The following SLA variants were observed in gnomAD, a reference collection of about 807,000 sequenced individuals.
The protein encoded by SLA is src-like-adapter.
SLA carries 16 observed loss-of-function variants against 30.3 expected under a neutral mutation model. The observed-to-expected ratio is 0.53, with a 90% CI of 0.36 to 0.80. SLA has a LOEUF of 0.80. SLA is among the 30% of genes least tolerant of loss of function. The probability of loss-of-function intolerance (pLI) is 0.01; values close to 1 mark genes in which losing one functional copy is unlikely to be tolerated. For missense variants in SLA, 310 were observed against 345.2 expected, an observed-to-expected ratio of 0.90 and a Z score of 0.81; for synonymous variants, 143 against 137.8, an observed-to-expected ratio of 1.04 and a Z score of -0.26.
chr8:133,097,205 T>C (rs1239395873), intron 1 of SLA, among the ~76,000 whole-genome samples: 3 of 152,378 alleles, frequency 2.0e-5, no homozygotes, highest in South Asian at 2.1e-4. Context: ...ACCGGAATTT[T>C]ATTAAATCAT....
At chr8:133,093,014 A>C (rs1031926833) in intron 1 of SLA, among the ~76,000 whole-genome samples, 2 of 151,994 alleles carry the variant, frequency 1.3e-5, no homozygotes, top group African/African-American at 4.8e-5. Context: ...TGGGGGCCCC[A>C]TCCTGACATT....
At chr8:133,095,019 G>T in intron 1 of SLA, 1 of 1,612,546 alleles carries the variant, frequency 6.2e-7, no homozygotes, top group Non-Finnish European at 8.5e-7. Context: ...TGAACCATCT[G>T]CCCTGAGCCT....
intron 1 of SLA, among the ~76,000 whole-genome samples, chr8:133,085,604 G>T (rs577441810): frequency 1.3e-5 from 2 of 152,230 alleles, no homozygotes; most frequent in South Asian, 4.1e-4. Context: ...CATAGCAAAA[G>T]ATTCTTAACA....
intron 1 of SLA, among the ~76,000 whole-genome samples, chr8:133,085,979 C>G (rs1274655830): frequency 6.6e-6 from 1 of 152,162 alleles, no homozygotes; most frequent in Non-Finnish European, 1.5e-5. Flanking sequence ...CAAATGTTTA[C>G]CAGCCAATGA....
intron 3 of SLA, among the ~76,000 whole-genome samples, chr8:133,051,484 G>T (rs1840392383): frequency 6.6e-6 from 1 of 152,136 alleles, no homozygotes; most frequent in South Asian, 2.1e-4. Flanking sequence ...TAACTCTGAG[G>T]TTAAACAAAA....
intron 1 of SLA, among the ~76,000 whole-genome samples, chr8:133,080,635 A>G (rs979004900): frequency 1.3e-5 from 2 of 152,106 alleles, no homozygotes; most frequent in Admixed American, 1.3e-4. Context: ...CTTTCCTGGC[A>G]TTCAAAGCTC....
At chr8:133,083,040 C>T (rs1240943545) in intron 1 of SLA, among the ~76,000 whole-genome samples, 1 of 152,116 alleles carries the variant, frequency 6.6e-6, no homozygotes, top group Non-Finnish European at 1.5e-5. Context: ...GGAGGGAGAG[C>T]GATGAGTAGG....
chr8:133,077,310 G>A (rs1003473372), intron 1 of SLA, among the ~76,000 whole-genome samples: 1 of 152,192 alleles, frequency 6.6e-6, no homozygotes, highest in African/African-American at 2.4e-5. Flanking sequence ...CCGTTCACAG[G>A]AGAAGCTACA....
chr8:133,076,953 G>A lies in SLA; in HGVS notation c.-318-1823C>T, dbSNP rs59454015. ...CAGATTCTACTACTTCCCCTAGGAG[G>A]AGTCCTATGGGAAAGACTGAATATG... is the stretch of plus-strand genomic sequence containing the variant. On this transcript the variant is annotated intron_variant, in intron 1 of 8. Coordinates refer to ENST00000338087, the MANE Select transcript of SLA (RefSeq NM_001045556.3). Among the ~76,000 whole-genome samples the A allele has an allele frequency of 7.4e-3, 1,125 of 152,246 alleles. 16 individuals are homozygous for A. The highest frequency in any genetic ancestry group is 0.026 in the African/African-American group (1,074 of 41,524).
chr8:133,077,069 C>T lies in SLA; in HGVS notation c.-318-1939G>A, dbSNP rs74572539. On this transcript the variant is annotated intron_variant, in intron 1 of 8. Transcript: ENST00000338087. The stretch of plus-strand genomic sequence containing the variant: ...GTGCTACTTTGCACAGGTGGCCAGT[C>T]GTGGGGTGGATGGGCTCTCTCTAGA... Among the ~76,000 whole-genome samples, 595 of 152,114 alleles carry T rather than the reference C, an allele frequency of 3.9e-3. 4 individuals are homozygous for T. The highest frequency in any genetic ancestry group is 0.014 in the African/African-American group (567 of 41,472).
Position 133,102,534 on chromosome 8 carries a change from A to T in SLA, c.-319+19T>A. The T allele has an allele frequency of 1.3e-6, 2 of 1,551,418 alleles. No individual in the cohort carries two copies. Among genetic ancestry groups the T allele is most frequent in the South Asian group, 2.4e-5 (2 of 84,058 alleles). ...GGCCCACCCAGGGGGTCCCAATGAC[A>T]GCAAAGTTAGCAACCTACCGGTGGA... On this transcript the variant is annotated intron_variant, in intron 1 of 8. Transcript: ENST00000338087.
At chr8:133,043,651 A>G (rs762498961) in intron 7 of SLA, among the ~76,000 whole-genome samples, 4 of 152,068 alleles carry the variant, frequency 2.6e-5, no homozygotes, top group Non-Finnish European at 5.9e-5. Context: ...ACAAGGTGCA[A>G]ATCTGAGCTT....
At chr8:133,084,276 T>C (rs923240691) in intron 1 of SLA, among the ~76,000 whole-genome samples, 1 of 152,176 alleles carries the variant, frequency 6.6e-6, no homozygotes, top group East Asian at 1.9e-4. Flanking sequence ...GCTCTTCTCC[T>C]GGGCCCTGAA....
At chr8:133,059,176 A>G (rs1346357707) in intron 3 of SLA, 1 of 455,862 alleles carries the variant, frequency 2.2e-6, no homozygotes, top group African/African-American at 2.0e-5. Flanking sequence ...GCTGCTGGGA[A>G]CCATGTGTGG....
At chr8:133,039,121 T>C (rs1449446593) in intron 8 of SLA, among the ~76,000 whole-genome samples, 1 of 152,188 alleles carries the variant, frequency 6.6e-6, no homozygotes, top group Non-Finnish European at 1.5e-5. Flanking sequence ...TTAGGTGATC[T>C]GCCCACCTCA....
chr8:133,083,153 A>G (rs1408052890), intron 1 of SLA, among the ~76,000 whole-genome samples: 2 of 152,252 alleles, frequency 1.3e-5, no homozygotes, highest in Non-Finnish European at 2.9e-5. Context: ...TAGCAATAAT[A>G]AATAATTATA....
Position 133,036,791 on chromosome 8 carries a change from T to C in SLA, c.*1733A>G, listed in dbSNP as rs1837191036. The C allele has an allele frequency of 6.6e-6, 1 of 152,654 alleles. No homozygotes were observed. The highest frequency in any genetic ancestry group is 2.4e-5 in the African/African-American group (1 of 41,438). The allele number at this position is 152,654 out of a possible 1,614,324, so 9.5% of individuals were successfully genotyped here. On this transcript the variant is annotated 3_prime_UTR_variant, in exon 9 of 9. Transcript: ENST00000338087. ...GGAATAAATACATGATTTAGCAAAGTGTAATGCTTCCCACTGAGAAATCCC... is the reference window on the plus strand; with the variant it reads ...GGAATAAATACATGATTTAGCAAAGCGTAATGCTTCCCACTGAGAAATCCC...
chr8:133,074,472 T>G (rs973103887), intron 2 of SLA, among the ~76,000 whole-genome samples: 2 of 152,202 alleles, frequency 1.3e-5, no homozygotes, highest in African/African-American at 2.4e-5. Context: ...ATTGTCACTT[T>G]ACAGATGAGA....
chr8:133,061,550 C>T (rs1314456887), intron 2 of SLA, among the ~76,000 whole-genome samples: 1 of 152,160 alleles, frequency 6.6e-6, no homozygotes, highest in East Asian at 1.9e-4. Flanking sequence ...TTAGGGAAGC[C>T]ACGTTCCCTC....
Sources: gnomAD v4.1 joint callset for allele counts (sites outside exome capture counted in the v4.1 genomes callset) on GRCh38, gnomAD v4.1.1 for gene constraint, MANE v1.5 for transcripts, NCBI Gene and HGNC (gene_info 2026-07-23, HGNC 2026-07-21) for gene names.